The following ITPA variants were observed in gnomAD, a reference collection of about 807,000 sequenced individuals.
ITPA encodes inosine triphosphatase.
In ITPA, 29 loss-of-function variants were observed where a neutral mutation model predicts 29.6. The observed-to-expected ratio is 0.98, with a 90% CI of 0.73 to 1.34. The LOEUF (loss-of-function observed/expected upper bound fraction) is 1.34, where lower values mean the gene tolerates loss of function less well. ITPA is among the 40% of genes most tolerant of loss of function. The pLI, the probability that ITPA is intolerant of heterozygous loss-of-function variation, is 0.00. For missense variants in ITPA, 241 were observed against 251.5 expected (o/e 0.96, Z 0.28); for synonymous variants, 103 against 99.3 (o/e 1.04, Z -0.22).
At chr20:3,218,786 G>A in intron 6 of ITPA, 154 bp downstream of exon 6, 1 of 693,088 alleles carries the variant, frequency 1.4e-6, no homozygotes, top group Non-Finnish European at 2.6e-6. Flanking sequence ...GCGCAGCATA[G>A]GTAGAAGTGC....
At chr20:3,204,341 A>G (rs2067055722), upstream of ITPA, among the ~76,000 whole-genome samples, 3 of 151,948 alleles carry the variant, frequency 2.0e-5, no homozygotes, top group African/African-American at 7.2e-5. Flanking sequence ...AGTCGAGAGA[A>G]AGGGGTAGCG....
chr20:3,212,799 T>A (rs1031534213), intron 1 of ITPA, among the ~76,000 whole-genome samples: 2 of 152,208 alleles, frequency 1.3e-5, no homozygotes, highest in African/African-American at 4.8e-5. Flanking sequence ...TAAGGGTTAC[T>A]AAGAATAAAG....
At position 3,221,850 on chromosome 20, in the gene ITPA, G is replaced by A. The variant is rs927961108; in HGVS notation, c.421G>A (p.Val141Met). 3.1e-6 allele frequency: 5 copies of A among 1,613,814 alleles called. No individual in the cohort carries two copies. Among genetic ancestry groups the A allele is most frequent in the Admixed American group, 1.7e-5 (1 of 60,000 alleles). The stretch of plus-strand genomic sequence containing the variant: ...CCCTTTCCTGTGGCAGGGCCGGATC[G>A]TGGCACCCAGAGGCTGCCAGGACTT... ...LFRGRTSGRI[V>M]APRGCQDFGW... The change falls in exon 7 of 8, where the codon GTG becomes ATG. Residue 141 changes from valine (V) to methionine (M), a missense_variant. Physicochemically the swap from Val to Met is conservative, Grantham distance 21 (BLOSUM62 1). Coordinates refer to ENST00000380113, the MANE Select transcript of ITPA (RefSeq NM_033453.4).
At chr20:3,221,466 G>C (rs966742309) in intron 6 of ITPA, among the ~76,000 whole-genome samples, 1 of 152,074 alleles carries the variant, frequency 6.6e-6, no homozygotes, top group Non-Finnish European at 1.5e-5. Context: ...CGGAGTTCAG[G>C]GTACTTAGCT....
chr20:3,204,696 T>C (rs1568502669), upstream of ITPA: 3 of 1,472,962 alleles, frequency 2.0e-6, no homozygotes, highest in Non-Finnish European at 2.7e-6. Flanking sequence ...CCGCCCCTAT[T>C]TCCCAATCTA....
chr20:3,204,538 T>A, upstream of ITPA: 1 of 1,559,926 alleles, frequency 6.4e-7, no homozygotes, highest in Non-Finnish European at 8.6e-7. Context: ...ATCTCCTACC[T>A]GATGCCGCCC....
At chr20:3,207,754 A>G (rs922182136), upstream of ITPA, among the ~76,000 whole-genome samples, 6 of 151,002 alleles carry the variant, frequency 4.0e-5, no homozygotes, top group African/African-American at 1.5e-4. Context: ...CCCAGCACTT[A>G]GGGAGGCCGA....
rs552554504 is a variant in ITPA at position 3,222,286 on chromosome 20, G to A, written c.488+369G>A. Among the ~76,000 whole-genome samples, 24 of 150,466 alleles carry A rather than the reference G, an allele frequency of 1.6e-4. 1 individual carries two copies. The highest frequency in any genetic ancestry group is 5.6e-4 in the African/African-American group (23 of 40,748). ...TGCCCAGGCTGGAGTGCAACGGCGT[G>A]ATCTCAACTCACTGCACCCTCTGCC... On this transcript the variant is annotated intron_variant, in intron 7 of 7. Coordinates refer to ENST00000380113, the MANE Select transcript of ITPA (RefSeq NM_033453.4).
rs543443392 is a variant in ITPA at position 3,214,770 on chromosome 20, G to A, written c.264-511G>A. ...AATTTTTTGTATTTTTAGTAGAGAC[G>A]GGGTTTCACCATGTTAGCCAGGATC... On this transcript the variant is annotated intron_variant, in intron 4 of 7. Transcript: ENST00000380113. Among the ~76,000 whole-genome samples the A allele has an allele frequency of 2.6e-5, 4 of 151,652 alleles. No homozygotes were observed. In the South Asian group the frequency reaches 8.4e-4, roughly 32 times the overall value.
rs919456046 is a variant in ITPA, at chr20:3,221,824, C to A, written c.412-17C>A. 3 of 1,613,830 alleles carry A rather than the reference C, an allele frequency of 1.9e-6. No individual in the cohort carries two copies. In the Admixed American group the frequency reaches 5.0e-5, roughly 27 times the overall value. On this transcript the variant is annotated splice_polypyrimidine_tract_variant and intron_variant, in intron 6 of 7. Coordinates refer to ENST00000380113, the MANE Select transcript of ITPA (RefSeq NM_033453.4). ...TCTGGACCCAGTTACACACCTGTCCCCCCTTTCCTGTGGCAGGGCCGGATC... is the reference window on the plus strand; with the variant it reads ...TCTGGACCCAGTTACACACCTGTCCACCCTTTCCTGTGGCAGGGCCGGATC...
chr20:3,224,697 G>C (rs1257992158), downstream of ITPA, among the ~76,000 whole-genome samples: 4 of 152,188 alleles, frequency 2.6e-5, no homozygotes, highest in Admixed American at 2.6e-4. Flanking sequence ...CTTGCCAGTT[G>C]ATCATGGATG....
At chr20:3,224,316 G>A (rs901740136), downstream of ITPA, among the ~76,000 whole-genome samples, 9 of 152,210 alleles carry the variant, frequency 5.9e-5, no homozygotes, top group South Asian at 2.1e-4. Flanking sequence ...TATGCCACAC[G>A]CCCTTACTCT....
intron 1 of ITPA, among the ~76,000 whole-genome samples, chr20:3,211,234 C>T (rs2067166102): frequency 6.7e-6 from 1 of 149,372 alleles, no homozygotes; most frequent in Non-Finnish European, 1.5e-5. Context: ...GGTGCGATCT[C>T]TGCTGACTGC....
chr20:3,222,015 G>A (rs2067478054), intron 7 of ITPA, 98 bp downstream of exon 7: 1 of 1,141,698 alleles, frequency 8.8e-7, no homozygotes, highest in East Asian at 2.4e-5. Context: ...TGCGGATATG[G>A]GCAGGGGAGG....
chr20:3,223,777 C>A lies in ITPA; in HGVS notation c.*315C>A. ...GGGCGTGGGGAGGAACCATGCAAAT[C>A]GCCTTCCATGGTTTTTAAATGCAGT... On this transcript the variant is annotated 3_prime_UTR_variant, in exon 8 of 8. Transcript: ENST00000380113. 1 of 440,122 alleles carries A rather than the reference C, an allele frequency of 2.3e-6. No individual in the cohort carries two copies. The allele number at this position is 440,122 out of a possible 1,614,324, so 27.3% of individuals were successfully genotyped here. A position where few individuals can be genotyped will look rare whatever the true frequency, so the allele number is the denominator to read the frequency against.
At chr20:3,220,278 G>C (rs553117842) in intron 6 of ITPA, among the ~76,000 whole-genome samples, 2 of 151,848 alleles carry the variant, frequency 1.3e-5, no homozygotes, top group Non-Finnish European at 2.9e-5. Context: ...GGCTGGTCTT[G>C]AACTCCCGAC....
upstream of ITPA, chr20:3,204,736 A>G: frequency 9.2e-7 from 1 of 1,086,020 alleles, no homozygotes; most frequent in Non-Finnish European, 1.3e-6. Context: ...AGCCCCGCCC[A>G]GCGGCACATC....
In ITPA at chr20:3,218,590, G is replaced by A. The variant is rs776106117; in HGVS notation, c.369G>A (p.Gly123=). ...TCTGCACGTTTGCACTCAGCACCGG[G>A]GACCCAAGCCAGCCCGTGCGCCTGT... ...YALCTFALST[G]DPSQPVRLFR... Residue 123 remains glycine, a synonymous_variant, in exon 6 of 8, where the codon GGG becomes GGA. Coordinates refer to ENST00000380113, the MANE Select transcript of ITPA (RefSeq NM_033453.4). 1 of 1,613,828 alleles carries A rather than the reference G, an allele frequency of 6.2e-7. No individual in the cohort carries two copies. The highest frequency in any genetic ancestry group is 8.5e-7 in the Non-Finnish European group (1 of 1,179,942).
At chr20:3,218,474 T>G (rs2067368506) in intron 5 of ITPA, 43 bp from the exon 6 acceptor site, 2 of 1,357,396 alleles carry the variant, frequency 1.5e-6, no homozygotes, top group Non-Finnish European at 2.1e-6. Flanking sequence ...GGGGTGGGAG[T>G]TGGCCATTAG....
Sources: allele counts gnomAD v4.1 joint callset (sites outside exome capture counted in the v4.1 genomes callset), GRCh38; gene constraint gnomAD v4.1.1; transcripts MANE v1.5; gene names NCBI Gene and HGNC (gene_info 2026-07-23, HGNC 2026-07-21).